The following B3GALT1 variants were observed in gnomAD, a reference collection of about 807,000 sequenced individuals.
B3GALT1 encodes UDP-Gal:betaGlcNAc beta 1,3-galactosyltransferase, polypeptide 1.
Under a neutral mutation model 23.2 loss-of-function variants are expected in B3GALT1, and 10 were observed. The observed-to-expected ratio is 0.43, with a 90% CI of 0.27 to 0.73. The LOEUF is 0.73. Among genes scored for constraint, B3GALT1 ranks in the 30% least tolerant of loss-of-function variants. B3GALT1 has a pLI of 0.21. For synonymous variants in B3GALT1, 156 were observed against 141.5 expected, an observed-to-expected ratio of 1.10 and a Z score of -0.73; for missense variants, 299 against 405.4, an observed-to-expected ratio of 0.74 and a Z score of 2.25.
chr2:167,671,354 A>G (rs1686322833), intron 3 of B3GALT1, among the ~76,000 whole-genome samples: 1 of 152,184 alleles, frequency 6.6e-6, no homozygotes, highest in Admixed American at 6.5e-5. Flanking sequence ...CAGCAAAAGA[A>G]TACAAATTAT....
intron 4 of B3GALT1, among the ~76,000 whole-genome samples, chr2:167,832,847 G>T (rs547511424): frequency 6.6e-6 from 1 of 152,340 alleles, no homozygotes; most frequent in African/African-American, 2.4e-5. Context: ...GCAACGTAAA[G>T]TAAAAATGCA....
chr2:167,379,707 T>C (rs1488907587), intron 1 of B3GALT1, among the ~76,000 whole-genome samples: 1 of 152,192 alleles, frequency 6.6e-6, no homozygotes, highest in Non-Finnish European at 1.5e-5. Context: ...AGCTCCCTGC[T>C]CAGTCCCAAG....
chr2:167,447,647 G>C (rs1699021551), intron 1 of B3GALT1, among the ~76,000 whole-genome samples: 1 of 152,090 alleles, frequency 6.6e-6, no homozygotes, highest in Non-Finnish European at 1.5e-5. Context: ...CCATGGGTGT[G>C]GGACCCTCTG....
chr2:167,352,268 GTTTTTTTTTTTGT>G (rs1330220747), intron 1 of B3GALT1, among the ~76,000 whole-genome samples: 1 of 32,318 alleles, frequency 3.1e-5, no homozygotes. Flanking sequence ...TGCCTGGCCT[GTTTTTTTTTTTGT>G]TTTTTTTTTT....
At chr2:167,463,744 C>T (rs6714851) in intron 1 of B3GALT1, among the ~76,000 whole-genome samples, 2,752 of 152,160 alleles carry the variant, frequency 0.018, 36 homozygotes, top group Non-Finnish European at 0.027. Flanking sequence ...TATGAAAATG[C>T]AAAGTGTAAG....
At chr2:167,732,314 C>T (rs890010720) in intron 3 of B3GALT1, among the ~76,000 whole-genome samples, 4 of 152,210 alleles carry the variant, frequency 2.6e-5, no homozygotes, top group African/African-American at 9.6e-5. Context: ...CGAGTCTCCT[C>T]ATTTTTGGCA....
intron 3 of B3GALT1, among the ~76,000 whole-genome samples, chr2:167,771,798 G>C (rs931722552): frequency 6.6e-6 from 1 of 152,156 alleles, no homozygotes; most frequent in African/African-American, 2.4e-5. Flanking sequence ...GAATGAAAAG[G>C]GGCCAGGTTG....
At chr2:167,766,689 C>A (rs1687982417) in intron 3 of B3GALT1, among the ~76,000 whole-genome samples, 1 of 152,140 alleles carries the variant, frequency 6.6e-6, no homozygotes. Context: ...CATCAAAACT[C>A]ACAAAATTGC....
intron 2 of B3GALT1, among the ~76,000 whole-genome samples, chr2:167,642,594 A>G (rs1685672268): frequency 6.6e-6 from 1 of 152,160 alleles, no homozygotes; most frequent in African/African-American, 2.4e-5. Flanking sequence ...AAAACATTTT[A>G]TGCTGGGCGC....
intron 3 of B3GALT1, among the ~76,000 whole-genome samples, chr2:167,654,493 TTCTC>T (rs978021148): frequency 6.6e-6 from 1 of 151,828 alleles, no homozygotes. Context: ...GCTTTTTGTT[TTCTC>T]TCTCTCTCTT....
chr2:167,512,115 CTT>C (rs1315818099), intron 2 of B3GALT1, among the ~76,000 whole-genome samples: 1 of 152,038 alleles, frequency 6.6e-6, no homozygotes, highest in African/African-American at 2.4e-5. Context: ...TCATGGCACA[CTT>C]TGTATCACAG....
intron 2 of B3GALT1, among the ~76,000 whole-genome samples, chr2:167,515,226 G>C (rs928099322): frequency 3.9e-5 from 6 of 152,216 alleles, no homozygotes; most frequent in South Asian, 4.1e-4. Flanking sequence ...AAACATTAGA[G>C]ATTTTCCTCT....
At chr2:167,818,832 A>G (rs1212460845) in intron 4 of B3GALT1, among the ~76,000 whole-genome samples, 39 bp downstream of exon 4, 1 of 152,142 alleles carries the variant, frequency 6.6e-6, no homozygotes, top group Non-Finnish European at 1.5e-5. Context: ...CACGTTTCTC[A>G]GTTATGCAGC....
chr2:167,470,563 T>A (rs1035547677), intron 1 of B3GALT1, among the ~76,000 whole-genome samples: 2 of 152,100 alleles, frequency 1.3e-5, no homozygotes, highest in African/African-American at 4.8e-5. Flanking sequence ...TTTCAAAATG[T>A]TGATGTCTAG....
In B3GALT1 at chr2:167,871,035, G is replaced by A. The variant is rs1690336630; in HGVS notation, c.*1015G>A. On this transcript the variant is annotated 3_prime_UTR_variant, in exon 5 of 5. Coordinates refer to ENST00000392690, the MANE Select transcript of B3GALT1 (RefSeq NM_020981.4). ...AATCTTTAAGGGTGTCAATATTATTGAAAGACTTGGCCCTACTTGCTAACA... is the reference window on the plus strand; with the variant it reads ...AATCTTTAAGGGTGTCAATATTATTAAAAGACTTGGCCCTACTTGCTAACA... 1 of 155,834 alleles carries A rather than the reference G, an allele frequency of 6.4e-6. No individual in the cohort carries two copies. The highest frequency in any genetic ancestry group is 2.1e-4 in the South Asian group (1 of 4,822). The allele number at this position is 155,834 out of a possible 1,614,324, so 9.7% of individuals were successfully genotyped here.
intron 1 of B3GALT1, among the ~76,000 whole-genome samples, chr2:167,351,931 T>C (rs1436599998): frequency 6.7e-6 from 1 of 149,372 alleles, no homozygotes. Context: ...CTTCCAATAC[T>C]GTGAAAGGAG....
chr2:167,821,368 T>G lies in B3GALT1; in HGVS notation c.-230+2575T>G, dbSNP rs1481580119. On this transcript the variant is annotated intron_variant, in intron 4 of 4. Transcript: ENST00000392690. ...AGAAAGCAAATTGCACGATATCCAA[T>G]TTATCTTCTTTGGAAGAAAAGAAGA... 3.3e-5 allele frequency among the ~76,000 whole-genome samples: 5 copies of G among 151,572 alleles called. No individual in the cohort carries two copies. The East Asian group carries it at 9.7e-4, about 29-fold the overall frequency.
rs836704 is a variant in B3GALT1, at chr2:167,870,033, T to C, written c.*13T>C. On this transcript the variant is annotated 3_prime_UTR_variant, in exon 5 of 5. Coordinates refer to ENST00000392690, the MANE Select transcript of B3GALT1 (RefSeq NM_020981.4). ...TCTCAGATGTTAGGATTTTTACCAATGTAAATATGTTTCTTTTCTTTTTTT... is the reference window on the plus strand; with the variant it reads ...TCTCAGATGTTAGGATTTTTACCAACGTAAATATGTTTCTTTTCTTTTTTT... The C allele has an allele frequency of 3.8e-3, 5,882 of 1,565,798 alleles. 225 individuals carry two copies. In the African/African-American group the frequency reaches 0.073, roughly 19 times the overall value.
intron 2 of B3GALT1, among the ~76,000 whole-genome samples, chr2:167,630,666 AATC>A (rs1335035269): frequency 2.0e-5 from 3 of 151,720 alleles, no homozygotes; most frequent in African/African-American, 7.3e-5. Context: ...TGAAAGATGG[AATC>A]ATCAAATAGG....
Sources: gnomAD v4.1 joint callset for allele counts (sites outside exome capture counted in the v4.1 genomes callset) on GRCh38, gnomAD v4.1.1 for gene constraint, MANE v1.5 for transcripts, NCBI Gene and HGNC (gene_info 2026-07-23, HGNC 2026-07-21) for gene names.